Variants in METAP1D observed in about 807,000 individuals in gnomAD.
METAP1D encodes the protein methionine aminopeptidase 1D, mitochondrial.
METAP1D carries 31 observed loss-of-function variants against 40.5 expected under a neutral mutation model. The observed-to-expected ratio is 0.77, with a 90% CI of 0.58 to 1.03. The LOEUF is 1.03. Among genes scored for constraint, METAP1D ranks in the 50% least tolerant of loss-of-function variants. The probability of loss-of-function intolerance (pLI) is 0.00; values close to 1 mark genes in which losing one functional copy is unlikely to be tolerated. For missense variants in METAP1D, 411 were observed against 420.7 expected (o/e 0.98, Z 0.20); for synonymous variants, 151 against 146.4 (o/e 1.03, Z -0.22).
chr2:172,024,748 TTGTGTGTGTGTGTGTG>T (rs61596658), intron 1 of METAP1D, among the ~76,000 whole-genome samples: 1 of 66,568 alleles, frequency 1.5e-5, no homozygotes, highest in African/African-American at 4.0e-5. Flanking sequence ...GACATATAGA[TTGTGTGTGTGTGTGTG>T]TGTGTGTGTG....
At chr2:172,034,530 T>C (rs894851032) in intron 1 of METAP1D, among the ~76,000 whole-genome samples, 2 of 152,104 alleles carry the variant, frequency 1.3e-5, no homozygotes, top group Non-Finnish European at 2.9e-5. Context: ...ATAATATGTA[T>C]GATGTTACTT....
intron 1 of METAP1D, among the ~76,000 whole-genome samples, chr2:172,001,618 C>A (rs993214096): frequency 6.6e-6 from 1 of 151,900 alleles, no homozygotes; most frequent in Non-Finnish European, 1.5e-5. Context: ...GGTTGGTAAT[C>A]GAATAGACTT....
intron 1 of METAP1D, among the ~76,000 whole-genome samples, chr2:172,048,336 C>A (rs1401999233): frequency 1.3e-5 from 2 of 152,148 alleles, no homozygotes; most frequent in Non-Finnish European, 2.9e-5. Flanking sequence ...GTCAGGTAAC[C>A]AATGATAGTA....
At chr2:172,065,502 T>C (rs1399892549) in intron 3 of METAP1D, 102 bp from the exon 4 acceptor site, 1 of 1,139,550 alleles carries the variant, frequency 8.8e-7, no homozygotes, top group African/African-American at 1.5e-5. Flanking sequence ...TCATAGTAAA[T>C]TTATACAGTC....
At chr2:172,045,819 G>GTA (rs796640775) in intron 1 of METAP1D, among the ~76,000 whole-genome samples, 35 of 15,188 alleles carry the variant, frequency 2.3e-3, no homozygotes, top group African/African-American at 7.9e-3. Context: ...GTGTGTGTGT[G>GTA]TATATATATA....
chr2:172,059,212 A>G (rs1236182765), intron 1 of METAP1D, among the ~76,000 whole-genome samples: 4 of 150,136 alleles, frequency 2.7e-5, no homozygotes, highest in Non-Finnish European at 5.9e-5. Flanking sequence ...GGGTTCGAGT[A>G]GTTCTCCTGC....
At chr2:172,062,699 T>C (rs893650027) in intron 2 of METAP1D, among the ~76,000 whole-genome samples, 1 of 152,162 alleles carries the variant, frequency 6.6e-6, no homozygotes, top group Non-Finnish European at 1.5e-5. Flanking sequence ...AGCTCAGCTG[T>C]GGCAAACCAG....
Position 172,062,418 on chromosome 2 carries a change from C to T in METAP1D, c.198+763C>T, listed in dbSNP as rs1436753567. 2.0e-5 allele frequency among the ~76,000 whole-genome samples: 3 copies of T among 152,208 alleles called. No homozygotes were observed. In the East Asian group the frequency reaches 5.8e-4, roughly 29 times the overall value. On this transcript the variant is annotated intron_variant, in intron 2 of 9. Coordinates refer to ENST00000315796, the MANE Select transcript of METAP1D (RefSeq NM_199227.3). ...GATGTATCCCCTGGCCTGGCCATCA[C>T]AGTGAGAGTGAGAATTTGGTATTAG...
chr2:172,065,081 A>T (rs1182089890), intron 3 of METAP1D, among the ~76,000 whole-genome samples: 3 of 152,214 alleles, frequency 2.0e-5, no homozygotes, highest in Non-Finnish European at 2.9e-5. Context: ...ATCTCTACAA[A>T]CTATATTAGA....
intron 1 of METAP1D, among the ~76,000 whole-genome samples, chr2:172,022,074 A>G (rs976387804): frequency 3.3e-5 from 5 of 152,104 alleles, no homozygotes; most frequent in African/African-American, 7.2e-5. Context: ...CCTGACCACT[A>G]CTGTTACCTG....
At chr2:172,065,876 A>G in intron 4 of METAP1D, 124 bp downstream of exon 4, 1 of 1,044,098 alleles carries the variant, frequency 9.6e-7, no homozygotes, top group African/African-American at 1.6e-5. Context: ...GAAATTGATT[A>G]TGATAAAACA....
At chr2:172,068,184 G>A (rs1365242347) in intron 5 of METAP1D, among the ~76,000 whole-genome samples, 1 of 152,130 alleles carries the variant, frequency 6.6e-6, no homozygotes, top group Non-Finnish European at 1.5e-5. Context: ...AGGAGTTCAA[G>A]ACCAGCCTGG....
In METAP1D at chr2:172,009,920, G is replaced by A. The variant is rs577334866; in HGVS notation, c.40+9911G>A. On this transcript the variant is annotated intron_variant, in intron 1 of 9. Transcript: ENST00000315796. The stretch of plus-strand genomic sequence containing the variant: ...TGGTTTGCTGGAAAGGAGACCCGAG[G>A]AAGGGAAGGGGCATCAAAGCAGAAA... 1.3e-4 allele frequency among the ~76,000 whole-genome samples: 20 copies of A among 152,254 alleles called. 1 individual carries two copies. The South Asian group carries it at 3.9e-3, about 30-fold the overall frequency.
chr2:172,071,230 GA>G lies in METAP1D; in HGVS notation c.704+172del, dbSNP rs1177012150. On this transcript the variant is annotated intron_variant, in intron 6 of 9. Coordinates refer to ENST00000315796, the MANE Select transcript of METAP1D (RefSeq NM_199227.3). Reference sequence around the variant, plus strand: ...AGGCTGCAATATTGTTCCCTGAGTTGAAAAAAAAAAAAGATTTTATAAAAAT... The same window carrying G: ...AGGCTGCAATATTGTTCCCTGAGTTGAAAAAAAAAAAGATTTTATAAAAAT... 4.1e-3 allele frequency among the ~76,000 whole-genome samples: 562 copies of G among 137,784 alleles called. 4 individuals carry two copies. The highest frequency in any genetic ancestry group is 0.011 in the African/African-American group (415 of 37,648). The allele number at this position is 137,784 out of a possible 152,430, so 90.4% of individuals were successfully genotyped here.
At chr2:172,035,687 C>T (rs1346036524) in intron 1 of METAP1D, among the ~76,000 whole-genome samples, 2 of 152,224 alleles carry the variant, frequency 1.3e-5, no homozygotes, top group East Asian at 3.9e-4. Flanking sequence ...TCTTCTTTGT[C>T]ACCCAGGCTG....
At position 172,044,112 on chromosome 2, in the gene METAP1D, T is replaced by C. The variant is rs915337842; in HGVS notation, c.41-17386T>C. Reference sequence around the variant, plus strand: ...GTCCCCCCAAAAAATTATAGTCATATTGTCCTTAGATTAATCCATAAATTC... The same window carrying C: ...GTCCCCCCAAAAAATTATAGTCATACTGTCCTTAGATTAATCCATAAATTC... On this transcript the variant is annotated intron_variant, in intron 1 of 9. Coordinates refer to ENST00000315796, the MANE Select transcript of METAP1D (RefSeq NM_199227.3). 2.6e-4 allele frequency among the ~76,000 whole-genome samples: 35 copies of C among 134,540 alleles called. 3 individuals are homozygous for C. The highest frequency in any genetic ancestry group is 8.6e-4 in the African/African-American group (34 of 39,744). 88.3% of individuals were successfully genotyped at this position (134,540 alleles called of 152,430 possible). A position where few individuals can be genotyped will look rare whatever the true frequency, so the allele number is the denominator to read the frequency against.
At chr2:172,055,950 A>G (rs1041879169) in intron 1 of METAP1D, among the ~76,000 whole-genome samples, 1 of 152,162 alleles carries the variant, frequency 6.6e-6, no homozygotes, top group African/African-American at 2.4e-5. Flanking sequence ...AACACTGTTC[A>G]TCCTAAAAGT....
At chr2:172,073,391 A>AG (rs1690469822) in intron 6 of METAP1D, among the ~76,000 whole-genome samples, 1 of 152,104 alleles carries the variant, frequency 6.6e-6, no homozygotes, top group African/African-American at 2.4e-5. Context: ...ATTAAAAAAA[A>AG]AAGAAGAAGA....
At chr2:172,024,913 C>T (rs2105402903) in intron 1 of METAP1D, among the ~76,000 whole-genome samples, 1 of 152,242 alleles carries the variant, frequency 6.6e-6, no homozygotes, top group South Asian at 2.1e-4. Context: ...GAGCAGTAAA[C>T]TAGAAAATCA....
Sources: allele counts gnomAD v4.1 joint callset (sites outside exome capture counted in the v4.1 genomes callset), GRCh38; gene constraint gnomAD v4.1.1; transcripts MANE v1.5; gene names NCBI Gene and HGNC (gene_info 2026-07-23, HGNC 2026-07-21).